Variants in PAK1 observed in about 807,000 individuals in gnomAD.
PAK1 encodes the protein serine/threonine-protein kinase PAK 1.
A neutral mutation model predicts 67.4 loss-of-function variants in PAK1; 29 were observed. The ratio of observed to expected loss-of-function variants is 0.43; its 90% CI spans 0.32 to 0.59. PAK1 has a LOEUF of 0.59. Ranked by LOEUF, PAK1 falls within the 20% of genes least tolerant of loss-of-function variation. The pLI, the probability that PAK1 is intolerant of heterozygous loss-of-function variation, is 0.07. For missense variants in PAK1, 337 were observed against 670.7 expected (o/e 0.50, Z 5.50); for synonymous variants, 223 against 237.4 (o/e 0.94, Z 0.56).
the PAK1 span, among the ~76,000 whole-genome samples, chr11:77,526,613 T>C: frequency 6.6e-6 from 1 of 152,222 alleles, no homozygotes; most frequent in African/African-American, 2.4e-5. Flanking sequence ...TGTATATTTA[T>C]AGACATAAAG....
chr11:77,332,097 ATTTG>A (rs113252620), intron 14 of PAK1, among the ~76,000 whole-genome samples: 5 of 151,432 alleles, frequency 3.3e-5, no homozygotes, highest in African/African-American at 1.2e-4. Context: ...GAACCCAGGA[ATTTG>A]AGACCATGCA....
rs1183359738 is a variant in PAK1 at position 77,451,818 on chromosome 11, C to T, written c.-22+21734G>A. On this transcript the variant is annotated intron_variant, in intron 1 of 14. Coordinates refer to ENST00000356341, the MANE Select transcript of PAK1 (RefSeq NM_002576.5). ...TTTCACCATTTTGGTCAGGCTGTCT[C>T]GAACTCCTGACCTCAGGTGATCCGC... Among the ~76,000 whole-genome samples, 5 of 143,284 alleles carry T rather than the reference C, an allele frequency of 3.5e-5. No homozygotes were observed. In the Middle Eastern group the frequency reaches 0.011, roughly 328 times the overall value. 94.0% of individuals were successfully genotyped at this position (143,284 alleles called of 152,430 possible). A position where few individuals can be genotyped will look rare whatever the true frequency, so the allele number is the denominator to read the frequency against.
chr11:77,454,772 C>T (rs1957009777), intron 1 of PAK1, among the ~76,000 whole-genome samples: 1 of 152,202 alleles, frequency 6.6e-6, no homozygotes, highest in South Asian at 2.1e-4. Flanking sequence ...CAAGAGCAGG[C>T]CCTGATTGTA....
At chr11:77,471,222 C>A (rs1336458501) in intron 1 of PAK1, among the ~76,000 whole-genome samples, 2 of 152,102 alleles carry the variant, frequency 1.3e-5, no homozygotes, top group African/African-American at 4.8e-5. Flanking sequence ...TGGGATGTCA[C>A]GCAGTTAAGT....
intron 14 of PAK1, among the ~76,000 whole-genome samples, chr11:77,323,900 T>C (rs994630161): frequency 6.6e-6 from 1 of 152,156 alleles, no homozygotes; most frequent in Non-Finnish European, 1.5e-5. Context: ...AGAATAATAA[T>C]TACCTCTGGG....
chr11:77,376,540 C>A (rs974999101), intron 4 of PAK1, among the ~76,000 whole-genome samples: 2 of 151,988 alleles, frequency 1.3e-5, no homozygotes, highest in Non-Finnish European at 2.9e-5. Flanking sequence ...AGGTCAAGAC[C>A]AGCCTGGCCA....
At chr11:77,451,308 TTCC>T (rs1350363029) in intron 1 of PAK1, among the ~76,000 whole-genome samples, 2 of 152,218 alleles carry the variant, frequency 1.3e-5, no homozygotes, top group African/African-American at 4.8e-5. Context: ...ACCCTCCTTA[TTCC>T]CAGAGGAAAG....
chr11:77,515,379 C>G, the PAK1 span, among the ~76,000 whole-genome samples: 1 of 152,162 alleles, frequency 6.6e-6, no homozygotes, highest in Admixed American at 6.5e-5. Context: ...GATGAGGAAG[C>G]ATACAGGTGT....
intron 5 of PAK1, among the ~76,000 whole-genome samples, chr11:77,372,532 T>G (rs1948578848): frequency 6.6e-6 from 1 of 152,174 alleles, no homozygotes; most frequent in Non-Finnish European, 1.5e-5. Flanking sequence ...AATAAACCAG[T>G]CCCCACTGGT....
At chr11:77,363,062 C>T (rs1487618308) in intron 5 of PAK1, among the ~76,000 whole-genome samples, 1 of 152,006 alleles carries the variant, frequency 6.6e-6, no homozygotes, top group East Asian at 1.9e-4. Flanking sequence ...TTAAAAACCA[C>T]CTTGGGAAGG....
intron 5 of PAK1, among the ~76,000 whole-genome samples, chr11:77,366,483 T>C (rs1452977584): frequency 6.6e-6 from 1 of 152,130 alleles, no homozygotes; most frequent in Non-Finnish European, 1.5e-5. Context: ...AGTAATAGAA[T>C]AAAGAAGGGG....
the PAK1 span, among the ~76,000 whole-genome samples, chr11:77,525,587 C>T: frequency 1.1e-3 from 169 of 152,288 alleles, 1 homozygote; most frequent in African/African-American, 4.0e-3. Context: ...CTAATTTCTA[C>T]AAGACAATGG....
intron 1 of PAK1, among the ~76,000 whole-genome samples, chr11:77,411,058 C>A (rs181176428): frequency 1.5e-4 from 23 of 152,182 alleles, no homozygotes; most frequent in African/African-American, 4.8e-4. Flanking sequence ...AACACACCTA[C>A]GCATCACACT....
intron 1 of PAK1, among the ~76,000 whole-genome samples, chr11:77,411,356 G>GAC (rs2138032607): frequency 6.6e-6 from 1 of 152,072 alleles, no homozygotes; most frequent in East Asian, 1.9e-4. Flanking sequence ...AATAGGACCA[G>GAC]TCCCCCCAGG....
chr11:77,507,837 C>T, the PAK1 span, among the ~76,000 whole-genome samples: 7 of 152,230 alleles, frequency 4.6e-5, no homozygotes, highest in Admixed American at 4.6e-4. Context: ...CCCAATATAC[C>T]TTTTACCAAA....
chr11:77,339,466 C>T lies in PAK1; in HGVS notation c.1116+1180G>A, dbSNP rs150404052. Among the ~76,000 whole-genome samples, 200 of 148,976 alleles carry T rather than the reference C, an allele frequency of 1.3e-3. 1 individual carries two copies. Among genetic ancestry groups the T allele is most frequent in the Middle Eastern group, 6.8e-3 (2 of 292 alleles). On this transcript the variant is annotated intron_variant, in intron 11 of 14. Coordinates refer to ENST00000356341, the MANE Select transcript of PAK1 (RefSeq NM_002576.5). Reference sequence around the variant, plus strand: ...GAAGGAGATAATGAAAAGAAGGTTACGAAATACTGCATTAGTAGTGGAACA... The same window carrying T: ...GAAGGAGATAATGAAAAGAAGGTTATGAAATACTGCATTAGTAGTGGAACA...
At chr11:77,325,323 C>T (rs1474997567) in intron 14 of PAK1, 2 of 1,613,840 alleles carry the variant, frequency 1.2e-6, no homozygotes, top group South Asian at 2.2e-5. Flanking sequence ...GGATCTGCTA[C>T]TTACCAGCTA....
chr11:77,349,552 A>T, intron 8 of PAK1: 1 of 428,656 alleles, frequency 2.3e-6, no homozygotes, highest in Non-Finnish European at 4.3e-6. Flanking sequence ...AAAGTTATTT[A>T]ACTTCTTTGA....
chr11:77,455,302 GAAA>G (rs35896629), intron 1 of PAK1, among the ~76,000 whole-genome samples: 1 of 145,986 alleles, frequency 6.8e-6, no homozygotes, highest in African/African-American at 2.5e-5. Context: ...TACAGAGGTT[GAAA>G]AAAAAAAAAA....
Sources: allele counts gnomAD v4.1 joint callset (sites outside exome capture counted in the v4.1 genomes callset), GRCh38; gene constraint gnomAD v4.1.1; transcripts MANE v1.5; gene names NCBI Gene and HGNC (gene_info 2026-07-23, HGNC 2026-07-21).